The following PHF8 variants were observed in gnomAD, a reference collection of about 807,000 sequenced individuals.
The protein encoded by PHF8 is PHD finger protein 8, also known as histone lysine demethylase PHF8.
A neutral mutation model predicts 74.4 loss-of-function variants in PHF8; 9 were observed. The observed-to-expected ratio is 0.12, with a 90% confidence interval of 0.07 to 0.21. The LOEUF (loss-of-function observed/expected upper bound fraction) is 0.21, where lower values mean the gene tolerates loss of function less well. Ranked by LOEUF, PHF8 falls within the 10% of genes least tolerant of loss-of-function variation. The pLI, the probability that PHF8 is intolerant of heterozygous loss-of-function variation, is 1.00. For missense variants in PHF8, 478 were observed against 816.6 expected, an observed-to-expected ratio of 0.59 and a Z score of 5.05; for synonymous variants, 311 against 316.6, an observed-to-expected ratio of 0.98 and a Z score of 0.19.
At position 54,012,377 on chromosome X, in the gene PHF8, T is replaced by G. The variant is rs781945697; in HGVS notation, c.784-1093A>C. Among the ~76,000 whole-genome samples, 4 of 112,156 alleles carry G rather than the reference T, an allele frequency of 3.6e-5. No individual in the cohort carries two copies. In the East Asian group the frequency reaches 1.1e-3, roughly 31 times the overall value. On this transcript the variant is annotated intron_variant, in intron 7 of 21. Coordinates refer to ENST00000338154, the MANE Select transcript of PHF8 (RefSeq NM_015107.3). ...AGAGTTAAACCTAACATTTGCATAA[T>G]AGCACTTTCATTTACACATTCTACT...
At chrX:54,038,170 T>C (rs1391300163) in intron 2 of PHF8, among the ~76,000 whole-genome samples, 1 of 112,413 alleles carries the variant, frequency 8.9e-6, no homozygotes, top group Non-Finnish European at 1.9e-5. Context: ...TGTTAAAATA[T>C]AGACTGCTGA....
At chrX:54,042,176 C>A (rs1220894556) in intron 2 of PHF8, among the ~76,000 whole-genome samples, 2 of 110,272 alleles carry the variant, frequency 1.8e-5, no homozygotes, top group East Asian at 5.7e-4. Flanking sequence ...GTGGTGCATG[C>A]CTGTAATCTC....
rs1323239995 is a variant in PHF8, at chrX:53,957,055, A to G, written c.2539+5789T>C. The stretch of plus-strand genomic sequence containing the variant: ...GCGAAACCCTGTCTCTACTAAAAAT[A>G]CAAAAAACTGGCCAGGCGCGGTGGC... On this transcript the variant is annotated intron_variant, in intron 19 of 21. Coordinates refer to ENST00000338154, the MANE Select transcript of PHF8 (RefSeq NM_015107.3). Among the ~76,000 whole-genome samples, 4 of 109,928 alleles carry G rather than the reference A, an allele frequency of 3.6e-5. No individual in the cohort carries two copies. The East Asian group carries it at 1.1e-3, about 31-fold the overall frequency.
chrX:53,956,300 G>A (rs2149789080), intron 19 of PHF8, among the ~76,000 whole-genome samples: 1 of 111,579 alleles, frequency 9.0e-6, no homozygotes, highest in Admixed American at 9.6e-5. Context: ...TAGTGAATAA[G>A]TGAAATACCA....
chrX:54,009,635 G>A (rs948311457), intron 8 of PHF8, among the ~76,000 whole-genome samples: 1 of 107,071 alleles, frequency 9.3e-6, no homozygotes, highest in African/African-American at 3.4e-5. Context: ...ATGAGGTCAG[G>A]AGATCAAGAC....
rs181880420 is a variant in PHF8, at chrX:54,001,024, A to G, written c.1142-1063T>C. 8.0e-5 allele frequency among the ~76,000 whole-genome samples: 9 copies of G among 112,858 alleles called. 1 individual carries two copies. In the East Asian group the frequency reaches 1.7e-3, roughly 21 times the overall value. On this transcript the variant is annotated intron_variant, in intron 10 of 21. Coordinates refer to ENST00000338154, the MANE Select transcript of PHF8 (RefSeq NM_015107.3). ...GTACTATAATGATTCCATTTATACAATATTTTTGAAATGACAAATTTGGCC... is the reference window on the plus strand; with the variant it reads ...GTACTATAATGATTCCATTTATACAGTATTTTTGAAATGACAAATTTGGCC...
chrX:54,022,675 C>A (rs2066199131), intron 3 of PHF8, 83 bp downstream of exon 3: 1 of 627,485 alleles, frequency 1.6e-6, no homozygotes, highest in Non-Finnish European at 2.6e-6. Context: ...AGTGCTCAGG[C>A]AAAAGCAATC....
chrX:53,968,510 T>C (rs1054199340), intron 18 of PHF8, among the ~76,000 whole-genome samples: 1 of 112,411 alleles, frequency 8.9e-6, no homozygotes, highest in Non-Finnish European at 1.9e-5. Flanking sequence ...ACAACAATTC[T>C]ACCTTAACTC....
At chrX:53,965,653 G>A (rs1438185699) in intron 18 of PHF8, among the ~76,000 whole-genome samples, 1 of 111,946 alleles carries the variant, frequency 8.9e-6, no homozygotes, top group African/African-American at 3.2e-5. Flanking sequence ...CTATCAGAAA[G>A]TCTCAGCTTA....
intron 18 of PHF8, among the ~76,000 whole-genome samples, chrX:53,967,122 C>T (rs1266350700): frequency 9.0e-6 from 1 of 110,578 alleles, no homozygotes; most frequent in Admixed American, 9.4e-5. Context: ...CTGGCAGCTG[C>T]CCCATCCGGG....
At chrX:53,954,640 CAGATAT>C (rs1340756136) in intron 19 of PHF8, among the ~76,000 whole-genome samples, 4 of 37,955 alleles carry the variant, frequency 1.1e-4, no homozygotes, top group South Asian at 2.5e-3. Context: ...ATCTGGGTGA[CAGATAT>C]ATATATATAT....
intron 19 of PHF8, among the ~76,000 whole-genome samples, chrX:53,957,547 A>C (rs2065033642): frequency 9.0e-6 from 1 of 110,942 alleles, no homozygotes; most frequent in Non-Finnish European, 1.9e-5. Context: ...ACAAACAAAC[A>C]AACAAAAAAA....
intron 18 of PHF8, 29 bp downstream of exon 18, chrX:53,984,885 C>A: frequency 8.7e-7 from 1 of 1,153,350 alleles, no homozygotes; most frequent in South Asian, 1.8e-5. Context: ...CCCCTTCTGG[C>A]CTGAACCCAT....
At chrX:54,002,091 T>C in intron 10 of PHF8, 64 bp downstream of exon 10, 2 of 592,535 alleles carry the variant, frequency 3.4e-6, no homozygotes, top group Non-Finnish European at 6.0e-6. Flanking sequence ...TACTTACACA[T>C]ACACACATAC....
At chrX:54,027,357 T>C (rs1400371164) in intron 2 of PHF8, among the ~76,000 whole-genome samples, 3 of 111,258 alleles carry the variant, frequency 2.7e-5, no homozygotes, top group Non-Finnish European at 5.7e-5. Flanking sequence ...ACTCCTCTTT[T>C]GAATAAGTAA....
chrX:53,948,123 T>G (rs2064858971), intron 19 of PHF8, among the ~76,000 whole-genome samples: 1 of 111,778 alleles, frequency 8.9e-6, no homozygotes, highest in Non-Finnish European at 1.9e-5. Context: ...CCCTCCTTGA[T>G]TAGACCTGGG....
chrX:54,024,601 C>A (rs1031777188), intron 2 of PHF8, among the ~76,000 whole-genome samples: 6 of 111,850 alleles, frequency 5.4e-5, no homozygotes, highest in African/African-American at 2.0e-4. Flanking sequence ...AACACTCCTT[C>A]ACCTTCCAGG....
intron 18 of PHF8, among the ~76,000 whole-genome samples, chrX:53,973,982 G>A (rs1328588199): frequency 7.2e-5 from 8 of 111,171 alleles, no homozygotes; most frequent in Non-Finnish European, 1.5e-4. Context: ...ACATTCAGCC[G>A]GGCGCGGTGG....
At chrX:53,964,690 ACT>A (rs2065152924) in intron 18 of PHF8, among the ~76,000 whole-genome samples, 1 of 109,595 alleles carries the variant, frequency 9.1e-6, no homozygotes, top group African/African-American at 3.3e-5. Context: ...ACATAACGAA[ACT>A]CTGTCTCTAT....
Sources: allele counts gnomAD v4.1 joint callset (sites outside exome capture counted in the v4.1 genomes callset), GRCh38; gene constraint gnomAD v4.1.1; transcripts MANE v1.5; gene names NCBI Gene and HGNC (gene_info 2026-07-23, HGNC 2026-07-21).